SGK3: variants seen among roughly 807,000 people sequenced by gnomAD.
SGK3 encodes serum/glucocorticoid regulated kinase family member 3, also known as serine/threonine-protein kinase Sgk3.
Under a neutral mutation model 68.5 loss-of-function variants are expected in SGK3, and 47 were observed. The ratio of observed to expected loss-of-function variants is 0.69; its 90% CI spans 0.54 to 0.87. The LOEUF (loss-of-function observed/expected upper bound fraction) is 0.87. SGK3 is among the 40% of genes least tolerant of loss of function. The pLI is 0.00. For missense variants in SGK3, 479 were observed against 575.5 expected, an observed-to-expected ratio of 0.83 and a Z score of 1.72; for synonymous variants, 181 against 189.1, an observed-to-expected ratio of 0.96 and a Z score of 0.35.
chr8:66,840,993 T>TG (rs1809778825), intron 12 of SGK3, 31 bp from the exon 13 acceptor site: 1 of 1,487,584 alleles, frequency 6.7e-7, no homozygotes, highest in Non-Finnish European at 9.0e-7. Context: ...ATTTATGCAT[T>TG]GTTTTATCTT....
Position 66,721,983 on chromosome 8 carries a change from G to A in SGK3, c.-122+9150G>A, listed in dbSNP as rs372222804. ...ACCACTTCCTTCCAGATTTGTATCA[G>A]TAGAGATATACACTGGTGAAAGCTT... On this transcript the variant is annotated intron_variant, in intron 1 of 16. Coordinates refer to ENST00000521198, the MANE Select transcript of SGK3 (RefSeq NM_001033578.3). Among the ~76,000 whole-genome samples, 36 of 152,274 alleles carry A rather than the reference G, an allele frequency of 2.4e-4. No homozygotes were observed. In the East Asian group the frequency reaches 2.9e-3, roughly 12 times the overall value.
At chr8:66,827,624 G>A (rs2130687145) in intron 6 of SGK3, among the ~76,000 whole-genome samples, 1 of 152,082 alleles carries the variant, frequency 6.6e-6, no homozygotes, top group Non-Finnish European at 1.5e-5. Context: ...ATCACTGATA[G>A]GATTACTAGA....
At chr8:66,735,750 G>A (rs1805300921) in intron 1 of SGK3, among the ~76,000 whole-genome samples, 1 of 152,010 alleles carries the variant, frequency 6.6e-6, no homozygotes, top group Admixed American at 6.6e-5. Flanking sequence ...TCATTGAATT[G>A]TGTTTTCTTA....
chr8:66,821,491 C>T (rs1039584518), intron 5 of SGK3, among the ~76,000 whole-genome samples: 1 of 151,766 alleles, frequency 6.6e-6, no homozygotes, highest in African/African-American at 2.4e-5. Context: ...ATTATAATTA[C>T]ATGCCTTTCA....
rs568016520 is a variant in SGK3, at chr8:66,732,401, T to G, written c.-122+19568T>G. Among the ~76,000 whole-genome samples the G allele has an allele frequency of 4.6e-5, 7 of 151,448 alleles. No homozygotes were observed. The East Asian group carries it at 1.4e-3, about 29-fold the overall frequency. ...TACTTGGGAGGCTGAAGCAGGAGAA[T>G]CACTTGAACCCAGGAGGCAGAGGTT... On this transcript the variant is annotated intron_variant, in intron 1 of 16. Coordinates refer to ENST00000521198, the MANE Select transcript of SGK3 (RefSeq NM_001033578.3).
intron 1 of SGK3, among the ~76,000 whole-genome samples, chr8:66,734,132 C>T (rs1271912141): frequency 3.3e-5 from 5 of 151,658 alleles, no homozygotes; most frequent in African/African-American, 7.3e-5. Context: ...GAGAAACTAT[C>T]GCTGCTTTTT....
At chr8:66,764,736 C>G (rs1341824619) in intron 1 of SGK3, among the ~76,000 whole-genome samples, 1 of 152,118 alleles carries the variant, frequency 6.6e-6, no homozygotes, top group Non-Finnish European at 1.5e-5. Context: ...ATCTGTTTCC[C>G]GTTTCTATGG....
At chr8:66,738,909 C>T (rs1453108273) in intron 1 of SGK3, among the ~76,000 whole-genome samples, 2 of 152,090 alleles carry the variant, frequency 1.3e-5, no homozygotes, top group Admixed American at 6.6e-5. Flanking sequence ...GGATTACAGG[C>T]GTGAGTCACT....
At chr8:66,840,958 A>AAG in intron 12 of SGK3, 66 bp from the exon 13 acceptor site, 3 of 1,237,848 alleles carry the variant, frequency 2.4e-6, no homozygotes, top group Non-Finnish European at 3.3e-6. Context: ...AAAAAAAAAA[A>AAG]TTAACTGAAA....
Position 66,748,559 on chromosome 8 carries a change from A to G in SGK3, c.-122+35726A>G, listed in dbSNP as rs139410066. Reference sequence around the variant, plus strand: ...CCATGTGTCATCCCTGCTGTTACCGACATCACCAGCATCTCGATCCTCCTG... The same window carrying G: ...CCATGTGTCATCCCTGCTGTTACCGGCATCACCAGCATCTCGATCCTCCTG... On this transcript the variant is annotated intron_variant, in intron 1 of 16. Transcript: ENST00000521198. Among the ~76,000 whole-genome samples the G allele has an allele frequency of 3.0e-3, 458 of 152,126 alleles. 2 individuals carry two copies. Among genetic ancestry groups the G allele is most frequent in the Non-Finnish European group, 5.6e-3 (382 of 67,992 alleles).
chr8:66,740,500 T>C (rs1051785587), intron 1 of SGK3, among the ~76,000 whole-genome samples: 3 of 152,190 alleles, frequency 2.0e-5, no homozygotes, highest in Admixed American at 6.6e-5. Context: ...TCATGGAACA[T>C]AGTAACACCT....
At chr8:66,734,201 T>A (rs1805246659) in intron 1 of SGK3, among the ~76,000 whole-genome samples, 1 of 151,696 alleles carries the variant, frequency 6.6e-6, no homozygotes, top group South Asian at 2.1e-4. Flanking sequence ...AACATAAATT[T>A]ATTAATGCTT....
chr8:66,764,689 C>T (rs1325714957), intron 1 of SGK3, among the ~76,000 whole-genome samples: 1 of 152,124 alleles, frequency 6.6e-6, no homozygotes, highest in East Asian at 1.9e-4. Context: ...GTTGTCCAGG[C>T]TGGTCTCAGG....
intron 7 of SGK3, among the ~76,000 whole-genome samples, chr8:66,830,361 C>A (rs764434045): frequency 2.4e-4 from 37 of 152,162 alleles, no homozygotes; most frequent in Middle Eastern, 3.2e-3. Flanking sequence ...AGAAAAACAT[C>A]TAAATATAGT....
intron 8 of SGK3, among the ~76,000 whole-genome samples, 159 bp from the exon 9 acceptor site, chr8:66,835,604 G>A (rs1438936609): frequency 1.3e-5 from 2 of 152,094 alleles, no homozygotes; most frequent in Admixed American, 6.6e-5. Context: ...ACAAAGAAAA[G>A]GTGCCTGATT....
intron 3 of SGK3, among the ~76,000 whole-genome samples, chr8:66,803,076 A>G (rs1419867938): frequency 2.0e-5 from 3 of 152,334 alleles, no homozygotes; most frequent in East Asian, 1.9e-4. Flanking sequence ...TGGATATCCA[A>G]TTAAGGTTTA....
chr8:66,716,267 C>G (rs1423296463), intron 1 of SGK3, among the ~76,000 whole-genome samples: 1 of 152,132 alleles, frequency 6.6e-6, no homozygotes, highest in Non-Finnish European at 1.5e-5. Context: ...TTGTAGTTCA[C>G]GTCAAAGTAG....
At chr8:66,740,906 C>CAA (rs899256897) in intron 1 of SGK3, among the ~76,000 whole-genome samples, 209 of 41,632 alleles carry the variant, frequency 5.0e-3, no homozygotes, top group South Asian at 6.0e-3. Flanking sequence ...GACTCTGTCT[C>CAA]AAAAAAAAAA....
At chr8:66,800,908 C>T (rs1807917679) in intron 3 of SGK3, among the ~76,000 whole-genome samples, 1 of 152,154 alleles carries the variant, frequency 6.6e-6, no homozygotes, top group Admixed American at 6.5e-5. Flanking sequence ...TCACTTGAGC[C>T]TGGGCGGTTG....
Sources: allele counts gnomAD v4.1 joint callset (sites outside exome capture counted in the v4.1 genomes callset), GRCh38; gene constraint gnomAD v4.1.1; transcripts MANE v1.5; gene names NCBI Gene and HGNC (gene_info 2026-07-23, HGNC 2026-07-21).